The following JAKMIP1 variants were observed in gnomAD, a reference collection of about 807,000 sequenced individuals.
JAKMIP1 encodes janus kinase and microtubule-interacting protein 1.
Under a neutral mutation model 113.0 loss-of-function variants are expected in JAKMIP1, and 33 were observed. The ratio of observed to expected loss-of-function variants is 0.29; its 90% CI spans 0.22 to 0.39. JAKMIP1 has a LOEUF of 0.39. JAKMIP1 is among the 10% of genes least tolerant of loss of function. The pLI is 1.00. For missense variants in JAKMIP1, 813 were observed against 1,080.5 expected (o/e 0.75, Z 3.47); for synonymous variants, 480 against 459.9 (o/e 1.04, Z -0.56).
rs1721619426 is a variant in JAKMIP1, at chr4:6,088,593, T to C, written c.625-2964A>G. On this transcript the variant is annotated intron_variant, in intron 3 of 20. Coordinates refer to ENST00000409021, the MANE Select transcript of JAKMIP1 (RefSeq NM_001099433.2). This position sits in a 1 kb window ranked among gnomAD's most constrained non-coding sequence, Gnocchi z 5.5. ...AGAAAATATTCTCAAACAGCAGAGA[T>C]GGCATCTAGAAACGGACGGAGGGCC... 6.6e-6 allele frequency among the ~76,000 whole-genome samples: 1 copy of C among 152,164 alleles called. No individual in the cohort carries two copies. Among genetic ancestry groups the C allele is most frequent in the Admixed American group, 6.5e-5 (1 of 15,278 alleles).
intron 1 of JAKMIP1, among the ~76,000 whole-genome samples, chr4:6,114,437 C>G (rs776745017): frequency 6.6e-6 from 1 of 152,188 alleles, no homozygotes; most frequent in Non-Finnish European, 1.5e-5. Context: ...AAGTACAGGA[C>G]AGGGGTGCCC....
intron 12 of JAKMIP1, among the ~76,000 whole-genome samples, chr4:6,055,737 C>G (rs550233919): frequency 7.0e-5 from 9 of 128,720 alleles, no homozygotes; most frequent in East Asian, 5.1e-4. Flanking sequence ...AGAGGTCGGG[C>G]CAGCCCTCCC....
At chr4:6,047,703 A>G (rs1327692702) in intron 16 of JAKMIP1, among the ~76,000 whole-genome samples, 2 of 152,246 alleles carry the variant, frequency 1.3e-5, no homozygotes, top group African/African-American at 2.4e-5. Flanking sequence ...AACTATTTCT[A>G]TTTTAAATGC....
At chr4:6,054,275 G>T in intron 12 of JAKMIP1, 127 bp from the exon 13 acceptor site, 2 of 863,366 alleles carry the variant, frequency 2.3e-6, no homozygotes, top group South Asian at 1.6e-5. Context: ...GGCAGGAGAG[G>T]GCAGGGTTTG....
chr4:6,068,427 T>C (rs17766431), intron 8 of JAKMIP1, among the ~76,000 whole-genome samples: 72,805 of 152,036 alleles, frequency 0.48, 21,393 homozygotes, highest in Non-Finnish European at 0.66. Context: ...GGCAGTCCAA[T>C]TTGAATCCTG....
intron 1 of JAKMIP1, among the ~76,000 whole-genome samples, chr4:6,166,028 C>T (rs762226587): frequency 2.0e-5 from 3 of 152,170 alleles, no homozygotes; most frequent in African/African-American, 2.4e-5. Context: ...TTTCACGTCA[C>T]CTCCTGGGTA....
rs138964633 is a variant in JAKMIP1 at position 6,039,251 on chromosome 4, C to T, written c.2175+1388G>A. On this transcript the variant is annotated intron_variant, in intron 18 of 20. Transcript: ENST00000409021. Reference sequence around the variant, plus strand: ...AGGAAGGGTGGACCCCAAGGTGTTCCGAAGTGTGTTTTGGGAAATGCCAGT... The same window carrying T: ...AGGAAGGGTGGACCCCAAGGTGTTCTGAAGTGTGTTTTGGGAAATGCCAGT... 4.2e-3 allele frequency among the ~76,000 whole-genome samples: 632 copies of T among 152,216 alleles called. 3 individuals carry two copies. Among genetic ancestry groups the T allele is most frequent in the South Asian group, 0.012 (56 of 4,818 alleles).
intron 3 of JAKMIP1, among the ~76,000 whole-genome samples, chr4:6,100,216 TC>T (rs1257078798): frequency 6.6e-6 from 1 of 152,166 alleles, no homozygotes; most frequent in Non-Finnish European, 1.5e-5. Context: ...CCCAGTAAGG[TC>T]CCTCACACTC....
chr4:6,095,269 AAAGG>A (rs199852293), intron 3 of JAKMIP1, among the ~76,000 whole-genome samples: 1,692 of 141,222 alleles, frequency 0.012, 33 homozygotes, highest in African/African-American at 0.042. Context: ...GGAAAGGAAG[AAAGG>A]AAGGAAGGGA....
In JAKMIP1 at chr4:6,112,709, C is replaced by T. The variant is rs374484970; in HGVS notation, c.129+13G>A. On this transcript the variant is annotated intron_variant, in intron 2 of 20. Coordinates refer to ENST00000409021, the MANE Select transcript of JAKMIP1 (RefSeq NM_001099433.2). ...TGCAGCCCAGCCGCTGCTGAGCTGA[C>T]GCCAACCCCCACCTTGCTTTTTTCC... 1.4e-5 allele frequency: 22 copies of T among 1,612,304 alleles called. No homozygotes were observed. The highest frequency in any genetic ancestry group is 1.6e-4 in the Middle Eastern group (1 of 6,082).
Position 6,187,108 on chromosome 4 carries a change from G to A in JAKMIP1, c.-148+13145C>T, listed in dbSNP as rs139945177. Among the ~76,000 whole-genome samples, 2,519 of 152,168 alleles carry A rather than the reference G, an allele frequency of 0.017. 22 individuals carry two copies. The highest frequency in any genetic ancestry group is 0.058 in the Middle Eastern group (17 of 294). ...GCCTCTCAAAATGCTAGGATTTCAGGCATGAGCCACCATGCCCAGCCCACT... is the reference window on the plus strand; with the variant it reads ...GCCTCTCAAAATGCTAGGATTTCAGACATGAGCCACCATGCCCAGCCCACT... On this transcript the variant is annotated intron_variant, in intron 1 of 20. Transcript: ENST00000409021. This position sits in a 1 kb window ranked among gnomAD's most constrained non-coding sequence, Gnocchi z 4.2.
Position 6,031,344 on chromosome 4 carries a change from G to C in JAKMIP1, c.2380-1563C>G, listed in dbSNP as rs1012315712. ...AGACAGGAGAATTGCTTGAACCTGG[G>C]AGGTGGAGGTTGCGGTGAGCTGAGA... On this transcript the variant is annotated intron_variant, in intron 19 of 20. Coordinates refer to ENST00000409021, the MANE Select transcript of JAKMIP1 (RefSeq NM_001099433.2). The surrounding 1 kb of genome is among the most constrained non-coding windows in gnomAD (Gnocchi z 4.4). Among the ~76,000 whole-genome samples the C allele has an allele frequency of 2.0e-5, 3 of 152,154 alleles. No individual in the cohort carries two copies. In the South Asian group the frequency reaches 6.2e-4, roughly 32 times the overall value.
At position 6,180,276 on chromosome 4, in the gene JAKMIP1, C is replaced by T. The variant is rs545706060; in HGVS notation, c.-148+19977G>A. Among the ~76,000 whole-genome samples, 13 of 152,286 alleles carry T rather than the reference C, an allele frequency of 8.5e-5. No homozygotes were observed. The highest frequency in any genetic ancestry group is 2.9e-4 in the African/African-American group (12 of 41,566). ...TGCTACTCGTAACATTCAGAACCCACAAAAAATTCTCATCAAATAGAAATG... is the reference window on the plus strand; with the variant it reads ...TGCTACTCGTAACATTCAGAACCCATAAAAAATTCTCATCAAATAGAAATG... On this transcript the variant is annotated intron_variant, in intron 1 of 20. Transcript: ENST00000409021. This position sits in a 1 kb window ranked among gnomAD's most constrained non-coding sequence, Gnocchi z 4.5.
intron 1 of JAKMIP1, among the ~76,000 whole-genome samples, chr4:6,133,683 C>T (rs1217384984): frequency 1.3e-5 from 2 of 152,206 alleles, no homozygotes; most frequent in African/African-American, 2.4e-5. Flanking sequence ...TTCCCAACAA[C>T]AATGTGTCCT....
At chr4:6,055,292 G>C (rs116454648) in intron 12 of JAKMIP1, among the ~76,000 whole-genome samples, 1 of 152,194 alleles carries the variant, frequency 6.6e-6, no homozygotes, top group East Asian at 1.9e-4. Flanking sequence ...TCTTTATCAG[G>C]CTGATCATGT....
chr4:6,100,897 C>A (rs1487736898), intron 3 of JAKMIP1, among the ~76,000 whole-genome samples: 7 of 152,056 alleles, frequency 4.6e-5, no homozygotes, highest in Non-Finnish European at 4.4e-5. Flanking sequence ...CAAGCTTTTG[C>A]CCATTTTTGA....
At chr4:6,085,880 T>C (rs1029001777) in intron 3 of JAKMIP1, among the ~76,000 whole-genome samples, 2 of 152,202 alleles carry the variant, frequency 1.3e-5, no homozygotes, top group Admixed American at 6.5e-5. Context: ...ACATGCATAC[T>C]GACATCAGTG....
In JAKMIP1 at chr4:6,158,275, A is replaced by G. The variant is rs1240617263; in HGVS notation, c.-148+41978T>C. ...CTCACCAGGGGTCACAAGCTCAGCT[A>G]TGAAGCACTTGAAAGCCCAGAACCT... On this transcript the variant is annotated intron_variant, in intron 1 of 20. Transcript: ENST00000409021. This position sits in a 1 kb window ranked among gnomAD's most constrained non-coding sequence, Gnocchi z 5.3. Among the ~76,000 whole-genome samples, 1 of 151,584 alleles carries G rather than the reference A, an allele frequency of 6.6e-6. No homozygotes were observed. Among genetic ancestry groups the G allele is most frequent in the African/African-American group, 2.4e-5 (1 of 40,888 alleles).
chr4:6,110,403 C>T lies in JAKMIP1; in HGVS notation c.129+2319G>A, dbSNP rs555225385. Among the ~76,000 whole-genome samples the T allele has an allele frequency of 3.0e-4, 46 of 151,894 alleles. 1 individual carries two copies. The South Asian group carries it at 9.6e-3, about 32-fold the overall frequency. ...GCCTCCAGGACTGTGAGACAGCAAT[C>T]GTCTGTTGCGTAAGCCGCCCTATCT... is the stretch of plus-strand genomic sequence containing the variant. On this transcript the variant is annotated intron_variant, in intron 2 of 20. Coordinates refer to ENST00000409021, the MANE Select transcript of JAKMIP1 (RefSeq NM_001099433.2).
Sources: allele counts gnomAD v4.1 joint callset (sites outside exome capture counted in the v4.1 genomes callset), GRCh38; gene constraint gnomAD v4.1.1; non-coding constraint Gnocchi (gnomAD v3.1); transcripts MANE v1.5; gene names NCBI Gene and HGNC (gene_info 2026-07-23, HGNC 2026-07-21).